Variants in AGO2 observed in about 807,000 individuals in gnomAD.
AGO2 encodes the protein protein argonaute-2.
Under a neutral mutation model 102.3 loss-of-function variants are expected in AGO2, and 5 were observed. The ratio of observed to expected loss-of-function variants is 0.05; its 90% CI spans 0.03 to 0.10. The LOEUF is 0.10. Ranked by LOEUF, AGO2 falls within the 10% of genes least tolerant of loss-of-function variation. AGO2 has a pLI of 1.00. For missense variants in AGO2, 541 were observed against 1,183.7 expected (o/e 0.46, Z 7.97); for synonymous variants, 449 against 473.1 (o/e 0.95, Z 0.66).
chr8:140,555,820 T>C, intron 10 of AGO2, 76 bp downstream of exon 10: 1 of 1,535,350 alleles, frequency 6.5e-7, no homozygotes, highest in Non-Finnish European at 8.8e-7. Context: ...CCGCGGGCGA[T>C]AGCTCAGAAC....
At chr8:140,594,130 G>C (rs1440001966) in intron 1 of AGO2, among the ~76,000 whole-genome samples, 2 of 152,168 alleles carry the variant, frequency 1.3e-5, no homozygotes, top group Non-Finnish European at 1.5e-5. Context: ...GTCTTCAGAA[G>C]AGGGCAGGGA....
upstream of AGO2, chr8:140,635,672 G>T (rs1458868943): frequency 3.9e-6 from 1 of 256,348 alleles, no homozygotes; most frequent in Non-Finnish European, 6.0e-6. Context: ...CGGAGGCGGC[G>T]GCGGGAGCGG....
In AGO2 at chr8:140,557,277, A is replaced by G; in HGVS notation, c.879-41T>C. On this transcript the variant is annotated intron_variant, in intron 7 of 18. Transcript: ENST00000220592. This position sits in a 1 kb window ranked among gnomAD's most constrained non-coding sequence, Gnocchi z 5.9. ...GCTGTTCAGGCCGAGGGCATCCCGGAGCCCCTTCCCCTGCGCTGCTTTTCA... is the reference window on the plus strand; with the variant it reads ...GCTGTTCAGGCCGAGGGCATCCCGGGGCCCCTTCCCCTGCGCTGCTTTTCA... The G allele has an allele frequency of 1.9e-6, 3 of 1,575,864 alleles. No individual in the cohort carries two copies. Among genetic ancestry groups the G allele is most frequent in the Non-Finnish European group, 2.6e-6 (3 of 1,159,568 alleles).
At chr8:140,561,283 A>C (rs2073197654) in intron 4 of AGO2, among the ~76,000 whole-genome samples, 1 of 152,156 alleles carries the variant, frequency 6.6e-6, no homozygotes, top group African/African-American at 2.4e-5. Flanking sequence ...GATGCTCCCT[A>C]CTTGTGGGCT....
Position 140,540,988 on chromosome 8 carries a change from G to A in AGO2, c.2034+176C>T, listed in dbSNP as rs527583042. On this transcript the variant is annotated intron_variant, in intron 15 of 18. Transcript: ENST00000220592. This position sits in a 1 kb window ranked among gnomAD's most constrained non-coding sequence, Gnocchi z 5.0. Reference sequence around the variant, plus strand: ...CCTCAGTGTCATGTGTTAGGGTCTCGACAGCCCCGTGTCCCATCTCCTCCC... The same window carrying A: ...CCTCAGTGTCATGTGTTAGGGTCTCAACAGCCCCGTGTCCCATCTCCTCCC... Among the ~76,000 whole-genome samples, 39 of 151,650 alleles carry A rather than the reference G, an allele frequency of 2.6e-4. No individual in the cohort carries two copies. The highest frequency in any genetic ancestry group is 1.0e-3 in the South Asian group (5 of 4,792).
intron 2 of AGO2, 76 bp from the exon 3 acceptor site, chr8:140,573,008 T>G: frequency 7.3e-7 from 1 of 1,364,358 alleles, no homozygotes; most frequent in Non-Finnish European, 9.6e-7. Context: ...TTTCTGACGC[T>G]ATTTTTTTTT....
At chr8:140,535,387 C>T in intron 17 of AGO2, 81 bp downstream of exon 17, 1 of 1,449,824 alleles carries the variant, frequency 6.9e-7, no homozygotes, top group Non-Finnish European at 9.7e-7. Flanking sequence ...CACGTGCCAG[C>T]CAGAGTGCAA....
At chr8:140,584,349 G>T (rs1345850994) in intron 2 of AGO2, among the ~76,000 whole-genome samples, 3 of 152,116 alleles carry the variant, frequency 2.0e-5, no homozygotes, top group Non-Finnish European at 4.4e-5. Flanking sequence ...TGCTGGTGGG[G>T]GTGGGTGGCC....
intron 1 of AGO2, among the ~76,000 whole-genome samples, chr8:140,588,592 C>A (rs868271408): frequency 2.2e-5 from 1 of 44,840 alleles, no homozygotes; most frequent in Non-Finnish European, 4.3e-5. Context: ...AGAAGGGAGG[C>A]AGGGAGAGAG....
chr8:140,590,107 C>T (rs777490130), intron 1 of AGO2, among the ~76,000 whole-genome samples: 6 of 152,212 alleles, frequency 3.9e-5, no homozygotes, highest in Non-Finnish European at 7.3e-5. Context: ...CACCAATGAG[C>T]CCACGGTGAG....
intron 1 of AGO2, among the ~76,000 whole-genome samples, chr8:140,587,120 G>A (rs945746129): frequency 6.6e-6 from 1 of 152,104 alleles, no homozygotes; most frequent in Non-Finnish European, 1.5e-5. Context: ...CGAGCCCAGG[G>A]CTCAGGCTGA....
chr8:140,579,425 T>A (rs993337321), intron 2 of AGO2, among the ~76,000 whole-genome samples: 1 of 152,180 alleles, frequency 6.6e-6, no homozygotes, highest in Non-Finnish European at 1.5e-5. Context: ...CTACTCTGTG[T>A]CTTTGGGATC....
At chr8:140,598,778 T>G (rs1271396678) in intron 1 of AGO2, among the ~76,000 whole-genome samples, 1 of 152,174 alleles carries the variant, frequency 6.6e-6, no homozygotes, top group East Asian at 1.9e-4. Flanking sequence ...CAGAATTACC[T>G]TAAATGGCAC....
chr8:140,539,330 T>C lies in AGO2; in HGVS notation c.2159A>G (p.Lys720Arg), dbSNP rs2132873550. The part of the protein sequence containing the change: ...RHHTRLFCTD[K>R]NERVGKSGNI... ...CATGCAGAAACTCACCCGCTCGTTC[T>C]TGTCAGTGCAGAAGAGCCGGGTGTG... Residue 720 changes from lysine (K) to arginine (R), a missense_variant, in exon 16 of 19, where the codon AAG becomes AGG. Transcript: ENST00000220592. This position sits in a 1 kb window ranked among gnomAD's most constrained non-coding sequence, Gnocchi z 4.7. The C allele has an allele frequency of 1.2e-6, 2 of 1,610,182 alleles. No individual in the cohort carries two copies. The highest frequency in any genetic ancestry group is 1.7e-6 in the Non-Finnish European group (2 of 1,178,022).
chr8:140,637,903 A>G (rs541026759), upstream of AGO2: 1 of 152,158 alleles, frequency 6.6e-6, no homozygotes, highest in Non-Finnish European at 1.5e-5. Context: ...GCTTGCTGTG[A>G]CATGTCTCCA....
At chr8:140,624,596 C>T (rs1410266579) in intron 1 of AGO2, among the ~76,000 whole-genome samples, 1 of 152,262 alleles carries the variant, frequency 6.6e-6, no homozygotes, top group Non-Finnish European at 1.5e-5. Context: ...AGGCTGGGGG[C>T]TCAGGAGGAG....
chr8:140,555,966 A>G lies in AGO2; in HGVS notation c.1199T>C (p.Met400Thr). Residue 400 changes from methionine to threonine, a missense_variant, in exon 10 of 19, where the codon ATG (methionine) becomes ACG (threonine). Transcript: ENST00000220592. Reference protein sequence around the residue: ...TDPYVREFGIMVKDEMTDVTG... With the variant: ...TDPYVREFGITVKDEMTDVTG... ...CACGTCTGTCATCTCATCTTTGACC[A>G]TGATTCCAAATTCACGGACGTATGG... 5.0e-6 allele frequency: 8 copies of G among 1,614,216 alleles called. No individual in the cohort carries two copies. The highest frequency in any genetic ancestry group is 1.6e-4 in the Middle Eastern group (1 of 6,062).
intron 2 of AGO2, among the ~76,000 whole-genome samples, chr8:140,579,826 C>T (rs948460735): frequency 2.6e-5 from 4 of 152,256 alleles, no homozygotes; most frequent in Non-Finnish European, 4.4e-5. Context: ...CCTGCATTCC[C>T]GTGAGTGGCT....
At position 140,521,506 on chromosome 8, in the gene AGO2, A is replaced by T. The variant is rs1273083113; in HGVS notation, c.*10538T>A. Reference sequence around the variant, plus strand: ...TTATTTCTTATTGGTATAAAATCAAATTCTTAAGACTCCAAAATATTGTTA... The same window carrying T: ...TTATTTCTTATTGGTATAAAATCAATTTCTTAAGACTCCAAAATATTGTTA... On this transcript the variant is annotated 3_prime_UTR_variant, in exon 19 of 19. Transcript: ENST00000220592. 6.6e-6 allele frequency: 1 copy of T among 152,278 alleles called. No homozygotes were observed. The highest frequency in any genetic ancestry group is 1.5e-5 in the Non-Finnish European group (1 of 68,044). The allele number at this position is 152,278 out of a possible 1,614,324, so 9.4% of individuals were successfully genotyped here.
Sources: allele counts gnomAD v4.1 joint callset (sites outside exome capture counted in the v4.1 genomes callset), GRCh38; gene constraint gnomAD v4.1.1; non-coding constraint Gnocchi (gnomAD v3.1); transcripts MANE v1.5; gene names NCBI Gene and HGNC (gene_info 2026-07-23, HGNC 2026-07-21).